DAB1: variants seen among roughly 807,000 people sequenced by gnomAD.
DAB1 encodes the protein disabled homolog 1.
A neutral mutation model predicts 64.6 loss-of-function variants in DAB1; 15 were observed. That is an observed-to-expected ratio of 0.23 (90% CI 0.16 to 0.36). The LOEUF is 0.36. DAB1 is among the 10% of genes least tolerant of loss of function. DAB1 has a pLI of 1.00. For missense variants in DAB1, 596 were observed against 706.7 expected (o/e 0.84, Z 1.78); for synonymous variants, 235 against 251.9 (o/e 0.93, Z 0.64).
intron 2 of DAB1, among the ~76,000 whole-genome samples, chr1:57,269,564 T>G (rs1283515568): frequency 6.6e-6 from 1 of 152,060 alleles, no homozygotes; most frequent in African/African-American, 2.4e-5. Flanking sequence ...TCCAGGGGCG[T>G]CTCTGCTTAC....
At chr1:57,514,216 T>G (rs1345110433) in intron 7 of DAB1, among the ~76,000 whole-genome samples, 1 of 152,252 alleles carries the variant, frequency 6.6e-6, no homozygotes, top group African/African-American at 2.4e-5. Context: ...GCAGGATTGC[T>G]GGGTCATATG....
intron 7 of DAB1, among the ~76,000 whole-genome samples, chr1:57,606,793 T>TAGAG (rs760672200): frequency 0.015 from 355 of 24,214 alleles, no homozygotes; most frequent in East Asian, 0.057. Flanking sequence ...TACATATATA[T>TAGAG]ATAGAGAGAG....
chr1:57,366,395 C>T (rs1001238290), intron 1 of DAB1, among the ~76,000 whole-genome samples: 9 of 152,112 alleles, frequency 5.9e-5, no homozygotes, highest in Non-Finnish European at 1.2e-4. Context: ...TTTTCATTTT[C>T]CACATAACAA....
At chr1:58,475,172 T>C (rs1379655142) in intron 3 of DAB1, among the ~76,000 whole-genome samples, 1 of 152,174 alleles carries the variant, frequency 6.6e-6, no homozygotes, top group Non-Finnish European at 1.5e-5. Context: ...AGTAGTAGTA[T>C]TGAAACTGAG....
chr1:58,444,771 TGAGCATTATTAATGGAAAG>T (rs1328266401), intron 3 of DAB1, among the ~76,000 whole-genome samples: 6 of 152,194 alleles, frequency 3.9e-5, no homozygotes, highest in African/African-American at 1.4e-4. Context: ...TAATGTTAGA[TGAGCATTATTAATGGAAAG>T]GGGCTTTCTT....
chr1:57,885,222 C>G (rs945464819), upstream of DAB1, among the ~76,000 whole-genome samples: 3 of 152,070 alleles, frequency 2.0e-5, no homozygotes, highest in Admixed American at 6.6e-5. Context: ...TTTATATATA[C>G]TAATCCATTT....
At chr1:58,358,304 C>G (rs1011545473) in intron 3 of DAB1, among the ~76,000 whole-genome samples, 1 of 152,058 alleles carries the variant, frequency 6.6e-6, no homozygotes, top group African/African-American at 2.4e-5. Flanking sequence ...ATTCTAATTT[C>G]AAGAAAGAGG....
chr1:57,481,653 C>G lies in DAB1; in HGVS notation n.625+167939G>C, dbSNP rs184228073. On this transcript the variant is annotated intron_variant and non_coding_transcript_variant, in intron 7 of 20. Transcript: ENST00000485760. ...CCAACATGGTGAAACCCTGTCTCTA[C>G]TAAAAATACAAAAATTAGCCAGGCA... 1.5e-3 allele frequency among the ~76,000 whole-genome samples: 228 copies of G among 152,114 alleles called. 1 individual carries two copies. The highest frequency in any genetic ancestry group is 2.3e-3 in the Non-Finnish European group (158 of 68,006).
At chr1:57,300,009 C>G (rs1046968945) in intron 1 of DAB1, among the ~76,000 whole-genome samples, 1 of 152,166 alleles carries the variant, frequency 6.6e-6, no homozygotes, top group African/African-American at 2.4e-5. Flanking sequence ...TCTCTACCCT[C>G]TCATACAGCT....
chr1:57,459,389 C>T (rs1451853216), intron 7 of DAB1, among the ~76,000 whole-genome samples: 1 of 152,104 alleles, frequency 6.6e-6, no homozygotes, highest in Non-Finnish European at 1.5e-5. Flanking sequence ...GTGACAAATG[C>T]CACACCTTTG....
chr1:58,499,250 G>A (rs1645856200), intron 3 of DAB1, among the ~76,000 whole-genome samples: 3 of 146,166 alleles, frequency 2.1e-5, no homozygotes, highest in African/African-American at 7.7e-5. Flanking sequence ...TAGGAATCAG[G>A]AGGTGTTGGT....
chr1:56,997,564 AC>A lies in DAB1; in HGVS notation c.*579del. On this transcript the variant is annotated 3_prime_UTR_variant, in exon 15 of 15. Transcript: ENST00000371236. ...GTACACCTATTAATTTTCAAACATG[AC>A]AAAAAAAGGAAAGGGGGGAAAATGG... The A allele has an allele frequency of 6.6e-6, 1 of 152,274 alleles. No homozygotes were observed. The highest frequency in any genetic ancestry group is 2.1e-4 in the South Asian group (1 of 4,822). The allele number at this position is 152,274 out of a possible 1,614,324, so 9.4% of individuals were successfully genotyped here.
At chr1:57,106,075 C>G (rs2100706393) in intron 4 of DAB1, among the ~76,000 whole-genome samples, 1 of 152,316 alleles carries the variant, frequency 6.6e-6, no homozygotes, top group East Asian at 1.9e-4. Flanking sequence ...ATTGTCATGT[C>G]TTGTGAGGCC....
chr1:58,476,449 G>A (rs914502876), intron 3 of DAB1, among the ~76,000 whole-genome samples: 7 of 152,150 alleles, frequency 4.6e-5, no homozygotes, highest in Non-Finnish European at 1.0e-4. Flanking sequence ...ACTTAGTGGT[G>A]TAAAACCCCT....
At chr1:58,007,946 A>G (rs988656497) in intron 5 of DAB1, among the ~76,000 whole-genome samples, 7 of 152,214 alleles carry the variant, frequency 4.6e-5, no homozygotes, top group Admixed American at 6.5e-5. Context: ...ACTTTATAAT[A>G]CCTACATAGT....
chr1:58,183,565 G>C (rs1656910753), intron 4 of DAB1, among the ~76,000 whole-genome samples: 1 of 151,970 alleles, frequency 6.6e-6, no homozygotes, highest in African/African-American at 2.4e-5. Context: ...GATTGCTACT[G>C]TTTTTTAACA....
intron 5 of DAB1, among the ~76,000 whole-genome samples, chr1:58,133,545 C>A (rs575959805): frequency 3.9e-5 from 6 of 152,292 alleles, no homozygotes; most frequent in Non-Finnish European, 4.4e-5. Flanking sequence ...CTCTACCTGC[C>A]AACAGATTTC....
At chr1:57,491,485 T>G (rs1644164390) in intron 7 of DAB1, among the ~76,000 whole-genome samples, 1 of 152,130 alleles carries the variant, frequency 6.6e-6, no homozygotes, top group Admixed American at 6.5e-5. Flanking sequence ...ATATATTTTT[T>G]ATAGAACTGT....
At chr1:57,445,095 A>G (rs1244172629) in intron 7 of DAB1, among the ~76,000 whole-genome samples, 1 of 152,204 alleles carries the variant, frequency 6.6e-6, no homozygotes, top group Non-Finnish European at 1.5e-5. Context: ...TTTTACAAAA[A>G]TAAGCATTTA....
Sources: gnomAD v4.1 joint callset for allele counts (sites outside exome capture counted in the v4.1 genomes callset) on GRCh38, gnomAD v4.1.1 for gene constraint, MANE v1.5 for transcripts, NCBI Gene and HGNC (gene_info 2026-07-23, HGNC 2026-07-21) for gene names.